The following STRBP variants were observed in gnomAD, a reference collection of about 807,000 sequenced individuals.
The protein encoded by STRBP is spermatid perinuclear RNA-binding protein.
Under a neutral mutation model 80.1 loss-of-function variants are expected in STRBP, and 13 were observed. The observed-to-expected ratio is 0.16, with a 90% CI of 0.11 to 0.26. STRBP has a LOEUF of 0.26. Ranked by LOEUF, STRBP falls within the 10% of genes least tolerant of loss-of-function variation. STRBP has a pLI of 1.00. For missense variants in STRBP, 485 were observed against 815.2 expected (o/e 0.59, Z 4.93); for synonymous variants, 284 against 291.2 (o/e 0.98, Z 0.25).
intron 2 of STRBP, among the ~76,000 whole-genome samples, chr9:123,226,123 A>C (rs1367656105): frequency 1.3e-5 from 2 of 152,252 alleles, no homozygotes; most frequent in Non-Finnish European, 2.9e-5. Flanking sequence ...ACATGCAATT[A>C]CACAGATGCA....
chr9:123,145,077 C>CA (rs1413953381), intron 13 of STRBP, among the ~76,000 whole-genome samples: 1 of 152,158 alleles, frequency 6.6e-6, no homozygotes, highest in Non-Finnish European at 1.5e-5. Flanking sequence ...ACATTCTACC[C>CA]AAAATGCTAC....
At chr9:123,218,514 C>T (rs1361734728) in intron 2 of STRBP, among the ~76,000 whole-genome samples, 19 of 151,016 alleles carry the variant, frequency 1.3e-4, no homozygotes, top group Admixed American at 2.6e-4. Context: ...GGACTACAGG[C>T]GCCCGCCACC....
At chr9:123,216,014 TCA>T (rs774316550) in intron 2 of STRBP, among the ~76,000 whole-genome samples, 1 of 152,172 alleles carries the variant, frequency 6.6e-6, no homozygotes, top group Non-Finnish European at 1.5e-5. Flanking sequence ...TGTAACCTAC[TCA>T]CAGAAATAAG....
At chr9:123,151,533 T>TA (rs1304187945) in intron 11 of STRBP, among the ~76,000 whole-genome samples, 2 of 152,152 alleles carry the variant, frequency 1.3e-5, no homozygotes, top group Non-Finnish European at 2.9e-5. Flanking sequence ...ACAAAAGAGT[T>TA]AACTACAAAA....
chr9:123,122,449 A>G lies in STRBP; in HGVS notation c.*3148T>C. ...AACATTCACCCAAAATTAAAAAAAA[A>G]AAAAAAAAGAAAAGGCCAATACCAG... On this transcript the variant is annotated 3_prime_UTR_variant, in exon 19 of 19. Coordinates refer to ENST00000348403, the MANE Select transcript of STRBP (RefSeq NM_018387.5). 1 of 1,222,176 alleles carries G rather than the reference A, an allele frequency of 8.2e-7. No homozygotes were observed. Among genetic ancestry groups the G allele is most frequent in the Non-Finnish European group, 1.0e-6 (1 of 963,516 alleles). The allele number at this position is 1,222,176 out of a possible 1,614,324, so 75.7% of individuals were successfully genotyped here.
At chr9:123,224,316 C>T in intron 2 of STRBP, among the ~76,000 whole-genome samples, 1 of 152,174 alleles carries the variant, frequency 6.6e-6, no homozygotes, top group Non-Finnish European at 1.5e-5. Flanking sequence ...CACAATTCTT[C>T]ACTCACAGAA....
At chr9:123,198,836 TTAAA>T (rs1158134336) in intron 2 of STRBP, among the ~76,000 whole-genome samples, 1 of 152,254 alleles carries the variant, frequency 6.6e-6, no homozygotes, top group Non-Finnish European at 1.5e-5. Context: ...GGACCATTTA[TTAAA>T]TAGTGTCCAT....
At chr9:123,217,735 A>G (rs1235378533) in intron 2 of STRBP, among the ~76,000 whole-genome samples, 4 of 152,382 alleles carry the variant, frequency 2.6e-5, no homozygotes, top group East Asian at 3.9e-4. Context: ...ACTTAAACAT[A>G]TAAGTGGTGT....
At position 123,177,838 on chromosome 9, in the gene STRBP, T is replaced by C. The variant is rs1049674429; in HGVS notation, c.224+1169A>G. Among the ~76,000 whole-genome samples, 14 of 152,332 alleles carry C rather than the reference T, an allele frequency of 9.2e-5. No individual in the cohort carries two copies. The South Asian group carries it at 2.5e-3, about 27-fold the overall frequency. On this transcript the variant is annotated intron_variant, in intron 4 of 18. Transcript: ENST00000348403. Reference sequence around the variant, plus strand: ...AAATTTTTAACATGACATAAACATGTAGCAAAGTGCAACTTAAATCTGGAA... The same window carrying C: ...AAATTTTTAACATGACATAAACATGCAGCAAAGTGCAACTTAAATCTGGAA...
chr9:123,166,763 A>G (rs1342860840), intron 6 of STRBP, among the ~76,000 whole-genome samples: 25 of 4,990 alleles, frequency 5.0e-3, no homozygotes, highest in African/African-American at 0.018. Context: ...AGCAACAACA[A>G]CAACAACAAC....
intron 11 of STRBP, among the ~76,000 whole-genome samples, chr9:123,152,712 C>T (rs761695884): frequency 4.6e-5 from 7 of 151,826 alleles, no homozygotes; most frequent in Non-Finnish European, 8.8e-5. Flanking sequence ...AGTGGTTTCC[C>T]GGGATTAGGG....
intron 5 of STRBP, among the ~76,000 whole-genome samples, chr9:123,171,295 T>C (rs1229645861): frequency 6.6e-6 from 1 of 152,124 alleles, no homozygotes. Flanking sequence ...TCAAAGAAGT[T>C]CTAAAAGCAT....
At chr9:123,145,922 T>A (rs1181876097) in intron 13 of STRBP, among the ~76,000 whole-genome samples, 4 of 152,142 alleles carry the variant, frequency 2.6e-5, no homozygotes, top group Admixed American at 2.6e-4. Context: ...CTGATCACTA[T>A]CTGATGTTTA....
intron 2 of STRBP, among the ~76,000 whole-genome samples, chr9:123,196,994 G>T (rs1317587809): frequency 2.0e-5 from 3 of 152,164 alleles, no homozygotes; most frequent in African/African-American, 7.2e-5. Context: ...CTAAATGTCC[G>T]TGAAGAGACG....
In STRBP at chr9:123,124,225, G is replaced by T; in HGVS notation, c.*1372C>A. 1 of 985,408 alleles carries T rather than the reference G, an allele frequency of 1.0e-6. No homozygotes were observed. The highest frequency in any genetic ancestry group is 1.2e-6 in the Non-Finnish European group (1 of 829,932). The allele number at this position is 985,408 out of a possible 1,614,324, so 61.0% of individuals were successfully genotyped here. On this transcript the variant is annotated 3_prime_UTR_variant, in exon 19 of 19. Transcript: ENST00000348403. ...GCAGAACTGAATAGGGAAAATGAAA[G>T]CTAATTCATACTAAAAACAGACATT...
intron 2 of STRBP, among the ~76,000 whole-genome samples, chr9:123,224,578 G>A (rs918098706): frequency 2.6e-5 from 4 of 152,080 alleles, no homozygotes; most frequent in Admixed American, 6.6e-5. Context: ...GCCTGTACTC[G>A]ATACTAAGAG....
chr9:123,183,033 A>AC (rs56321847), intron 3 of STRBP, among the ~76,000 whole-genome samples: 6,702 of 137,920 alleles, frequency 0.049, 343 homozygotes, highest in African/African-American at 0.14. Context: ...AAAAAAAAAA[A>AC]AAAAACAAAA....
intron 2 of STRBP, among the ~76,000 whole-genome samples, chr9:123,220,754 T>C (rs1163842197): frequency 6.6e-6 from 1 of 152,116 alleles, no homozygotes; most frequent in East Asian, 1.9e-4. Context: ...GGAGAAAACA[T>C]GATTTATTTT....
At chr9:123,197,341 G>C (rs1000825038) in intron 2 of STRBP, among the ~76,000 whole-genome samples, 2 of 152,168 alleles carry the variant, frequency 1.3e-5, no homozygotes, top group African/African-American at 2.4e-5. Context: ...GGTGATTACA[G>C]TCAGTAATTT....
Sources: gnomAD v4.1 joint callset for allele counts (sites outside exome capture counted in the v4.1 genomes callset) on GRCh38, gnomAD v4.1.1 for gene constraint, MANE v1.5 for transcripts, NCBI Gene and HGNC (gene_info 2026-07-23, HGNC 2026-07-21) for gene names.